The following PLXNA4 variants were observed in gnomAD, a reference collection of about 807,000 sequenced individuals.
PLXNA4 encodes plexin-A4.
In PLXNA4, 44 loss-of-function variants were observed where a neutral mutation model predicts 191.8. The ratio of observed to expected loss-of-function variants is 0.23; its 90% confidence interval spans 0.18 to 0.29. The LOEUF is 0.29. Among genes scored for constraint, PLXNA4 ranks in the 10% least tolerant of loss-of-function variants. The pLI is 1.00. For synonymous variants in PLXNA4, 1,082 were observed against 1,009.5 expected (o/e 1.07, Z -1.36); for missense variants, 1,800 against 2,488.8 (o/e 0.72, Z 5.89).
chr7:132,133,113 T>C lies in PLXNA4; in HGVS notation c.5525A>G (p.Asn1842Ser). 1 of 1,614,224 alleles carries C rather than the reference T, an allele frequency of 6.2e-7. No individual in the cohort carries two copies. Among genetic ancestry groups the C allele is most frequent in the Non-Finnish European group, 8.5e-7 (1 of 1,180,040 alleles). The change falls in exon 31 of 32, where the codon AAT (asparagine) becomes AGT (serine). Residue 1842 changes from asparagine to serine, a missense_variant. Transcript: ENST00000321063. Reference sequence around the variant, plus strand: ...GAGTGCACTCATGGTGTTGAACTCATTCATGTGCATCCGGGACTGCTCAGC... The same window carrying C: ...GAGTGCACTCATGGTGTTGAACTCACTCATGTGCATCCGGGACTGCTCAGC... ...YLAEQSRMHM[N>S]EFNTMSALSE...
intron 1 of PLXNA4, among the ~76,000 whole-genome samples, chr7:132,533,010 T>C (rs1002308577): frequency 1.3e-5 from 2 of 152,256 alleles, no homozygotes; most frequent in Non-Finnish European, 2.9e-5. Context: ...TGGAACTGGT[T>C]GCCACCACCA....
intron 3 of PLXNA4, among the ~76,000 whole-genome samples, chr7:132,386,475 T>C (rs1805146342): frequency 6.6e-6 from 1 of 152,158 alleles, no homozygotes; most frequent in South Asian, 2.1e-4. Flanking sequence ...CACTGGCTTG[T>C]TTTGCAGCCT....
At chr7:132,356,906 T>C (rs146956224) in intron 3 of PLXNA4, among the ~76,000 whole-genome samples, 3 of 151,888 alleles carry the variant, frequency 2.0e-5, no homozygotes, top group Non-Finnish European at 2.9e-5. Context: ...TATTAGAGAG[T>C]CAAAAGTACT....
intron 25 of PLXNA4, among the ~76,000 whole-genome samples, chr7:132,158,095 C>T (rs1404318815): frequency 1.3e-5 from 2 of 152,274 alleles, no homozygotes; most frequent in African/African-American, 2.4e-5. Context: ...ACATGCTCAC[C>T]GAATCTCCCT....
In PLXNA4 at chr7:132,508,707, C is replaced by G; in HGVS notation, c.-14G>C. The G allele has an allele frequency of 6.7e-7, 1 of 1,490,068 alleles. No individual in the cohort carries two copies. The highest frequency in any genetic ancestry group is 8.9e-7 in the Non-Finnish European group (1 of 1,121,612). The allele number at this position is 1,490,068 out of a possible 1,614,324, so 92.3% of individuals were successfully genotyped here. A position where few individuals can be genotyped will look rare whatever the true frequency, so the allele number is the denominator to read the frequency against. On this transcript the variant is annotated 5_prime_UTR_variant, in exon 2 of 32. Transcript: ENST00000321063. The surrounding 1 kb of genome is among the most constrained non-coding windows in gnomAD (Gnocchi z 4.4). ...CATGGCTTTCATGGCAGAGGCGGGT[C>G]CCAGTGGCACAGCAGCACTCAGGCA...
intron 3 of PLXNA4, among the ~76,000 whole-genome samples, chr7:132,393,193 C>CA (rs1793589229): frequency 7.3e-6 from 1 of 136,258 alleles, no homozygotes; most frequent in African/African-American, 2.9e-5. Context: ...CCCCAACACC[C>CA]CCCCCCACCA....
intron 10 of PLXNA4, among the ~76,000 whole-genome samples, chr7:132,207,979 G>A (rs1302338049): frequency 6.6e-6 from 1 of 152,190 alleles, no homozygotes; most frequent in South Asian, 2.1e-4. Flanking sequence ...ATGGTCACTT[G>A]CCCTCTCTGG....
At chr7:132,593,586 G>A (rs1802645468) in intron 2 of PLXNA4, among the ~76,000 whole-genome samples, 1 of 152,206 alleles carries the variant, frequency 6.6e-6, no homozygotes, top group Non-Finnish European at 1.5e-5. Flanking sequence ...AGGACAGGTG[G>A]GTGCAGGCGT....
intron 2 of PLXNA4, among the ~76,000 whole-genome samples, chr7:132,602,411 A>G (rs1020606034): frequency 6.6e-6 from 1 of 152,174 alleles, no homozygotes; most frequent in Non-Finnish European, 1.5e-5. Context: ...CCAAGAGACC[A>G]TGTTGCCTCT....
At chr7:132,334,785 AC>A (rs1268341314) in intron 3 of PLXNA4, among the ~76,000 whole-genome samples, 1 of 152,132 alleles carries the variant, frequency 6.6e-6, no homozygotes, top group Non-Finnish European at 1.5e-5. Context: ...ATTTCTACCA[AC>A]CTGCCCTCAG....
Position 132,397,259 on chromosome 7 carries a change from T to C in PLXNA4, c.1371+92033A>G, listed in dbSNP as rs145000060. On this transcript the variant is annotated intron_variant, in intron 3 of 31. Transcript: ENST00000321063. Reference sequence around the variant, plus strand: ...GGATTCTGATGCAATTCTGGATTGTTTGTTGAATTATGCATCAGCAGCTTC... The same window carrying C: ...GGATTCTGATGCAATTCTGGATTGTCTGTTGAATTATGCATCAGCAGCTTC... Among the ~76,000 whole-genome samples, 702 of 152,336 alleles carry C rather than the reference T, an allele frequency of 4.6e-3. 7 individuals are homozygous for C. Among genetic ancestry groups the C allele is most frequent in the African/African-American group, 0.016 (667 of 41,574 alleles).
chr7:132,479,361 CT>C (rs1797251688), intron 3 of PLXNA4, among the ~76,000 whole-genome samples: 1 of 152,162 alleles, frequency 6.6e-6, no homozygotes, highest in Non-Finnish European at 1.5e-5. Context: ...AAGGGAGAGC[CT>C]GTGAGGTGGG....
chr7:132,245,723 A>G (rs1799026651), intron 4 of PLXNA4, among the ~76,000 whole-genome samples: 1 of 152,232 alleles, frequency 6.6e-6, no homozygotes, highest in African/African-American at 2.4e-5. Context: ...AATATGTGGT[A>G]TATCCATACA....
intron 3 of PLXNA4, among the ~76,000 whole-genome samples, chr7:132,365,050 G>T (rs552055343): frequency 2.0e-5 from 3 of 152,230 alleles, no homozygotes; most frequent in South Asian, 4.2e-4. Flanking sequence ...GTCCATCCTC[G>T]TGAATGCCCT....
chr7:132,631,590 AT>A (rs1274006715), intron 2 of PLXNA4, among the ~76,000 whole-genome samples: 1 of 152,112 alleles, frequency 6.6e-6, no homozygotes, highest in Non-Finnish European at 1.5e-5. Context: ...GTTTTTCCAA[AT>A]GCTCTTATCT....
chr7:132,203,646 G>C (rs1797518377), intron 10 of PLXNA4, among the ~76,000 whole-genome samples: 1 of 152,216 alleles, frequency 6.6e-6, no homozygotes, highest in Non-Finnish European at 1.5e-5. Context: ...ACAGGGGTGG[G>C]CCAGGCCTCC....
At chr7:132,467,560 C>T (rs1667933419) in intron 3 of PLXNA4, among the ~76,000 whole-genome samples, 1 of 152,206 alleles carries the variant, frequency 6.6e-6, no homozygotes, top group Non-Finnish European at 1.5e-5. Flanking sequence ...AGTGCATGTC[C>T]TAAGCACATC....
chr7:132,397,315 A>G (rs1413677452), intron 3 of PLXNA4, among the ~76,000 whole-genome samples: 3 of 152,232 alleles, frequency 2.0e-5, no homozygotes, highest in Non-Finnish European at 4.4e-5. Context: ...CCGTCACTCG[A>G]GCTAATCTGA....
chr7:132,535,630 T>C (rs762396715), intron 1 of PLXNA4, among the ~76,000 whole-genome samples: 3 of 152,110 alleles, frequency 2.0e-5, no homozygotes, highest in Non-Finnish European at 2.9e-5. Context: ...GTCCCACCAA[T>C]TCACTAAGAA....
Sources: allele counts gnomAD v4.1 joint callset (sites outside exome capture counted in the v4.1 genomes callset), GRCh38; gene constraint gnomAD v4.1.1; non-coding constraint Gnocchi (gnomAD v3.1); transcripts MANE v1.5; gene names NCBI Gene and HGNC (gene_info 2026-07-23, HGNC 2026-07-21).